Variants in ZNF704 observed in about 807,000 individuals in gnomAD.
The protein encoded by ZNF704 is glucocorticoid induced gene 1.
ZNF704 carries 10 observed loss-of-function variants against 44.7 expected under a neutral mutation model. The observed-to-expected ratio is 0.22, with a 90% CI of 0.14 to 0.38. ZNF704 has a LOEUF of 0.38. ZNF704 is among the 10% of genes least tolerant of loss of function. The probability of loss-of-function intolerance (pLI) is 1.00; values close to 1 mark genes in which losing one functional copy is unlikely to be tolerated. For synonymous variants in ZNF704, 211 were observed against 207.6 expected (o/e 1.02, Z -0.14); for missense variants, 390 against 545.5 (o/e 0.71, Z 2.84).
At chr8:80,757,712 C>G (rs1467904929) in intron 2 of ZNF704, among the ~76,000 whole-genome samples, 1 of 152,068 alleles carries the variant, frequency 6.6e-6, no homozygotes, top group African/African-American at 2.4e-5. Flanking sequence ...ATTTTTAATC[C>G]TTTATATTTT....
At chr8:80,857,883 ATTTCT>A (rs1808990039) in intron 1 of ZNF704, among the ~76,000 whole-genome samples, 1 of 152,002 alleles carries the variant, frequency 6.6e-6, no homozygotes, top group Admixed American at 6.6e-5. Context: ...TATAAATTCC[ATTTCT>A]TTTATTTTTA....
chr8:80,722,512 T>C (rs2131671568), intron 2 of ZNF704, among the ~76,000 whole-genome samples: 1 of 152,328 alleles, frequency 6.6e-6, no homozygotes, highest in East Asian at 1.9e-4. Flanking sequence ...ATAGAAAATA[T>C]TTAGTTGTGA....
chr8:80,820,536 T>C (rs927780811), intron 2 of ZNF704, among the ~76,000 whole-genome samples: 1 of 152,212 alleles, frequency 6.6e-6, no homozygotes, highest in Non-Finnish European at 1.5e-5. Flanking sequence ...TCTTTTTTTT[T>C]CTTTTACATA....
At chr8:80,830,757 T>C (rs7813946) in intron 1 of ZNF704, among the ~76,000 whole-genome samples, 43 of 99,042 alleles carry the variant, frequency 4.3e-4, no homozygotes, top group South Asian at 1.6e-3. Context: ...TTCTTTCTTT[T>C]TTTTTTTTTT....
chr8:80,869,674 C>T (rs911049446), intron 1 of ZNF704, among the ~76,000 whole-genome samples: 1 of 152,208 alleles, frequency 6.6e-6, no homozygotes, highest in African/African-American at 2.4e-5. Flanking sequence ...ATCCTCACCA[C>T]CTGGTGTTTA....
At chr8:80,869,439 G>A (rs1809211991) in intron 1 of ZNF704, among the ~76,000 whole-genome samples, 1 of 152,148 alleles carries the variant, frequency 6.6e-6, no homozygotes, top group Non-Finnish European at 1.5e-5. Context: ...GAAAACAGAA[G>A]CCATCAGAAA....
chr8:80,759,156 A>G (rs935345493), intron 2 of ZNF704, among the ~76,000 whole-genome samples: 1 of 152,230 alleles, frequency 6.6e-6, no homozygotes, highest in African/African-American at 2.4e-5. Context: ...CATGAGCACA[A>G]CAGCTTTTAA....
intron 2 of ZNF704, among the ~76,000 whole-genome samples, chr8:80,774,814 T>C (rs148012561): frequency 8.4e-4 from 128 of 152,344 alleles, no homozygotes; most frequent in Non-Finnish European, 1.5e-3. Flanking sequence ...CTTGGTCTTT[T>C]GACTAAGAAA....
intron 5 of ZNF704, among the ~76,000 whole-genome samples, chr8:80,668,600 T>TG (rs1008763786): frequency 3.3e-5 from 5 of 152,180 alleles, no homozygotes; most frequent in Admixed American, 1.3e-4. Flanking sequence ...CACATAGGCC[T>TG]GGGGGACACT....
At chr8:80,667,327 G>A (rs1818210613) in intron 5 of ZNF704, among the ~76,000 whole-genome samples, 1 of 152,184 alleles carries the variant, frequency 6.6e-6, no homozygotes, top group Non-Finnish European at 1.5e-5. Context: ...GGATCACTCT[G>A]GATACTGTCT....
chr8:80,711,075 T>C (rs1818978712), intron 2 of ZNF704, among the ~76,000 whole-genome samples: 1 of 152,172 alleles, frequency 6.6e-6, no homozygotes, highest in Non-Finnish European at 1.5e-5. Context: ...GCTTGGGGTA[T>C]GCTGTGGCAT....
In ZNF704 at chr8:80,874,059, T is replaced by C. The variant is rs889552477; in HGVS notation, c.-22+512A>G. The stretch of plus-strand genomic sequence containing the variant: ...CGCGCCTGCATGCCTGAGCGCGGGG[T>C]TGCGGGCCGCGGCGCGGGGCCGGAG... On this transcript the variant is annotated intron_variant, in intron 1 of 8. Coordinates refer to ENST00000327835, the MANE Select transcript of ZNF704 (RefSeq NM_001033723.3). The surrounding 1 kb of genome is among the most constrained non-coding windows in gnomAD (Gnocchi z 4.4). Among the ~76,000 whole-genome samples the C allele has an allele frequency of 1.4e-5, 2 of 145,814 alleles. No homozygotes were observed. The highest frequency in any genetic ancestry group is 2.5e-5 in the African/African-American group (1 of 40,426).
intron 6 of ZNF704, among the ~76,000 whole-genome samples, chr8:80,662,225 A>C (rs2131607308): frequency 6.6e-6 from 1 of 152,346 alleles, no homozygotes; most frequent in Non-Finnish European, 1.5e-5. Context: ...ACACAGAACA[A>C]AGTCTTGAAG....
intron 2 of ZNF704, among the ~76,000 whole-genome samples, chr8:80,805,548 A>G (rs1807975377): frequency 6.6e-6 from 1 of 152,214 alleles, no homozygotes; most frequent in Non-Finnish European, 1.5e-5. Flanking sequence ...TCAAGGAATG[A>G]ACATACAAAA....
intron 2 of ZNF704, among the ~76,000 whole-genome samples, chr8:80,730,204 C>T (rs1806555242): frequency 1.3e-5 from 2 of 152,002 alleles, no homozygotes; most frequent in African/African-American, 4.8e-5. Context: ...ACACGTGTGT[C>T]CAGAAAATAT....
At chr8:80,808,586 G>A (rs1031416212) in intron 2 of ZNF704, among the ~76,000 whole-genome samples, 10 of 152,188 alleles carry the variant, frequency 6.6e-5, no homozygotes, top group African/African-American at 2.4e-4. Flanking sequence ...TTTAATGGGA[G>A]GTGATGCATT....
At chr8:80,694,034 T>C (rs1399020798) in intron 2 of ZNF704, among the ~76,000 whole-genome samples, 2 of 152,044 alleles carry the variant, frequency 1.3e-5, no homozygotes, top group East Asian at 3.9e-4. Context: ...GCTGATGCAC[T>C]TGGACATGGG....
In ZNF704 at chr8:80,663,845, T is replaced by A. The variant is rs374699098; in HGVS notation, c.927+970A>T. Among the ~76,000 whole-genome samples the A allele has an allele frequency of 3.3e-5, 5 of 152,082 alleles. No homozygotes were observed. In the East Asian group the frequency reaches 7.8e-4, roughly 24 times the overall value. ...TGGGCTCAGGTGATCCTCCCACACC[T>A]CAGCCTCCCAAGTAGCTGGGACTAC... On this transcript the variant is annotated intron_variant, in intron 6 of 8. Transcript: ENST00000327835.
At chr8:80,744,786 A>G (rs1177077819) in intron 2 of ZNF704, among the ~76,000 whole-genome samples, 1 of 152,162 alleles carries the variant, frequency 6.6e-6, no homozygotes, top group Non-Finnish European at 1.5e-5. Flanking sequence ...ACATGAACTA[A>G]CCAATATTAA....
Sources: allele counts gnomAD v4.1 joint callset (sites outside exome capture counted in the v4.1 genomes callset), GRCh38; gene constraint gnomAD v4.1.1; non-coding constraint Gnocchi (gnomAD v3.1); transcripts MANE v1.5; gene names NCBI Gene and HGNC (gene_info 2026-07-23, HGNC 2026-07-21).